FRMD3: variants seen among roughly 807,000 people sequenced by gnomAD.
The protein encoded by FRMD3 is FERM domain containing 3.
In FRMD3, 33 loss-of-function variants were observed where a neutral mutation model predicts 70.2. The observed-to-expected ratio is 0.47, with a 90% CI of 0.36 to 0.63. The LOEUF (loss-of-function observed/expected upper bound fraction) is 0.63, where lower values mean the gene tolerates loss of function less well. FRMD3 is among the 20% of genes least tolerant of loss of function. The pLI is 0.00. For missense variants in FRMD3, 632 were observed against 711.4 expected, an observed-to-expected ratio of 0.89 and a Z score of 1.27; for synonymous variants, 279 against 255.9, an observed-to-expected ratio of 1.09 and a Z score of -0.86.
chr9:83,423,613 T>TTTTTTTTG (rs1826710993), intron 1 of FRMD3, among the ~76,000 whole-genome samples: 1 of 141,072 alleles, frequency 7.1e-6, no homozygotes, highest in Admixed American at 7.1e-5. Flanking sequence ...TTTTTTTTTT[T>TTTTTTTTG]GAGATGGAGT....
chr9:83,380,725 A>G (rs1382280998), intron 2 of FRMD3, among the ~76,000 whole-genome samples: 1 of 152,214 alleles, frequency 6.6e-6, no homozygotes, highest in Non-Finnish European at 1.5e-5. Flanking sequence ...TTCTGTTGAA[A>G]TCGATTCAGT....
chr9:83,577,377 T>C, the FRMD3 span, among the ~76,000 whole-genome samples: 2 of 152,068 alleles, frequency 1.3e-5, no homozygotes, highest in Non-Finnish European at 2.9e-5. Flanking sequence ...ATCCATAGAA[T>C]AGAATCAAAG....
intron 1 of FRMD3, among the ~76,000 whole-genome samples, chr9:83,534,841 A>T (rs2131562399): frequency 6.6e-6 from 1 of 152,346 alleles, no homozygotes; most frequent in East Asian, 1.9e-4. Context: ...AAGACCCAGG[A>T]CACATTAAGT....
intron 1 of FRMD3, among the ~76,000 whole-genome samples, chr9:83,392,065 G>T (rs1360162420): frequency 6.6e-6 from 1 of 151,520 alleles, no homozygotes; most frequent in East Asian, 1.9e-4. Context: ...CTTTCTCCAG[G>T]GACCACCACA....
intron 1 of FRMD3, among the ~76,000 whole-genome samples, chr9:83,514,436 T>A (rs139650202): frequency 1.3e-5 from 2 of 152,298 alleles, no homozygotes; most frequent in African/African-American, 2.4e-5. Context: ...GGGCAGGCCA[T>A]CTCTGAAAGA....
chr9:83,557,241 C>A, the FRMD3 span, among the ~76,000 whole-genome samples: 5 of 152,076 alleles, frequency 3.3e-5, no homozygotes, highest in African/African-American at 9.7e-5. Context: ...GAAGCAATGG[C>A]GCCATGCAAA....
At chr9:83,448,636 T>C (rs1827550427) in intron 1 of FRMD3, among the ~76,000 whole-genome samples, 2 of 152,068 alleles carry the variant, frequency 1.3e-5, no homozygotes, top group African/African-American at 4.8e-5. Context: ...TCAAGGCCTC[T>C]GAGCCACTCT....
chr9:83,418,961 A>C (rs1010365656), intron 1 of FRMD3, among the ~76,000 whole-genome samples: 4 of 152,238 alleles, frequency 2.6e-5, no homozygotes, highest in African/African-American at 9.6e-5. Flanking sequence ...AGCCATTAAA[A>C]GGAAGAAAAC....
chr9:83,277,283 C>A (rs1282841841), intron 13 of FRMD3, among the ~76,000 whole-genome samples: 1 of 152,102 alleles, frequency 6.6e-6, no homozygotes, highest in African/African-American at 2.4e-5. Context: ...TAGATGGATT[C>A]TACACATTTA....
intron 3 of FRMD3, among the ~76,000 whole-genome samples, chr9:83,351,337 C>T (rs1049587295): frequency 7.9e-5 from 12 of 151,748 alleles, no homozygotes; most frequent in Non-Finnish European, 1.6e-4. Flanking sequence ...CACACACACA[C>T]ACACACACAC....
chr9:83,381,807 A>G (rs1215318517), intron 2 of FRMD3, among the ~76,000 whole-genome samples: 3 of 152,164 alleles, frequency 2.0e-5, no homozygotes, highest in African/African-American at 4.8e-5. Flanking sequence ...GTAAAGGACC[A>G]GATAGTAAAT....
At chr9:83,481,750 G>C (rs1345380874) in intron 1 of FRMD3, among the ~76,000 whole-genome samples, 3 of 151,970 alleles carry the variant, frequency 2.0e-5, no homozygotes, top group African/African-American at 7.3e-5. Context: ...AATAAGGAAG[G>C]GAAACTCTGA....
intron 1 of FRMD3, among the ~76,000 whole-genome samples, chr9:83,433,441 C>A (rs1827039195): frequency 6.6e-6 from 1 of 152,222 alleles, no homozygotes. Context: ...CTCTTCAAAG[C>A]AGCAGTCCCC....
chr9:83,534,233 C>A (rs1452255974), intron 1 of FRMD3, among the ~76,000 whole-genome samples: 1 of 152,118 alleles, frequency 6.6e-6, no homozygotes, highest in Admixed American at 6.5e-5. Context: ...TCCATCCTAC[C>A]TGAACATTCA....
chr9:83,479,703 A>G (rs1297950567), intron 1 of FRMD3, among the ~76,000 whole-genome samples: 2 of 74,730 alleles, frequency 2.7e-5, no homozygotes, highest in African/African-American at 1.4e-4. Flanking sequence ...AAAGAAAGAA[A>G]GAAAGAAAGA....
At position 83,264,271 on chromosome 9, in the gene FRMD3, A is replaced by C. The variant is rs143834919; in HGVS notation, c.1196-15755T>G. On this transcript the variant is annotated intron_variant, in intron 13 of 13. Coordinates refer to ENST00000304195, the MANE Select transcript of FRMD3 (RefSeq NM_174938.6). ...CATTCTGAAAAAGGCAAAATTATGA[A>C]TATCATAAAAAGACCAGTGGTTGCC... is the stretch of plus-strand genomic sequence containing the variant. Among the ~76,000 whole-genome samples the C allele has an allele frequency of 6.3e-3, 957 of 152,356 alleles. 11 individuals are homozygous for C. The highest frequency in any genetic ancestry group is 0.021 in the African/African-American group (891 of 41,578).
At chr9:83,318,422 C>T (rs572046945) in intron 6 of FRMD3, among the ~76,000 whole-genome samples, 48 of 152,184 alleles carry the variant, frequency 3.2e-4, no homozygotes, top group African/African-American at 1.1e-3. Flanking sequence ...CTGCAAAAGA[C>T]ATGATCTCAT....
At position 83,246,295 on chromosome 9, in the gene FRMD3, T is replaced by C. The variant is rs1250573291; in HGVS notation, c.*1623A>G. 4 of 984,760 alleles carry C rather than the reference T, an allele frequency of 4.1e-6. No individual in the cohort carries two copies. The highest frequency in any genetic ancestry group is 5.2e-4 in the Middle Eastern group (1 of 1,932). 61.0% of individuals were successfully genotyped at this position (984,760 alleles called of 1,614,324 possible). On this transcript the variant is annotated 3_prime_UTR_variant, in exon 14 of 14. Transcript: ENST00000304195. Reference sequence around the variant, plus strand: ...CCATGGCATAAGTTCTAGACTCTTATCTTTCTCCCACATAACACAGTATCA... The same window carrying C: ...CCATGGCATAAGTTCTAGACTCTTACCTTTCTCCCACATAACACAGTATCA...
chr9:83,245,642 A>T lies in FRMD3; in HGVS notation c.*2276T>A. The T allele has an allele frequency of 1.2e-6, 1 of 817,766 alleles. No homozygotes were observed. The highest frequency in any genetic ancestry group is 1.5e-6 in the Non-Finnish European group (1 of 677,088). 50.7% of individuals were successfully genotyped at this position (817,766 alleles called of 1,614,324 possible). ...AGTATTTTACAATGGAAAATATATT[A>T]GTTCCATAATTTAAAAAATATTATA... is the stretch of plus-strand genomic sequence containing the variant. On this transcript the variant is annotated 3_prime_UTR_variant, in exon 14 of 14. Transcript: ENST00000304195.
Sources: allele counts gnomAD v4.1 joint callset (sites outside exome capture counted in the v4.1 genomes callset), GRCh38; gene constraint gnomAD v4.1.1; transcripts MANE v1.5; gene names NCBI Gene and HGNC (gene_info 2026-07-23, HGNC 2026-07-21).